The following PPP1R36 variants were observed in gnomAD, a reference collection of about 807,000 sequenced individuals.
PPP1R36 encodes protein phosphatase 1 regulatory subunit 36, also known as chromosome 14 open reading frame 50.
A neutral mutation model predicts 53.4 loss-of-function variants in PPP1R36; 47 were observed. The observed-to-expected ratio is 0.88, with a 90% CI of 0.70 to 1.12. PPP1R36 has a LOEUF of 1.12. PPP1R36 is among the 50% of genes most tolerant of loss of function. The probability of loss-of-function intolerance (pLI) is 0.00; values close to 1 mark genes in which losing one functional copy is unlikely to be tolerated. For synonymous variants in PPP1R36, 153 were observed against 170.5 expected (o/e 0.90, Z 0.80); for missense variants, 456 against 513.9 (o/e 0.89, Z 1.09).
At chr14:64,573,634 C>T (rs551989922) in intron 7 of PPP1R36, among the ~76,000 whole-genome samples, 333 of 151,950 alleles carry the variant, frequency 2.2e-3, no homozygotes, top group Non-Finnish European at 3.7e-3. Context: ...GAAAATAGGC[C>T]GGGTGTGGTG....
chr14:64,550,266 G>C, intron 1 of PPP1R36, 200 bp downstream of exon 1: 1 of 1,377,502 alleles, frequency 7.3e-7, no homozygotes, highest in Non-Finnish European at 9.4e-7. Context: ...GGTCAGAATT[G>C]AATTCTGGCT....
intron 7 of PPP1R36, among the ~76,000 whole-genome samples, chr14:64,570,940 T>C (rs1368125786): frequency 6.6e-6 from 1 of 152,212 alleles, no homozygotes; most frequent in Non-Finnish European, 1.5e-5. Flanking sequence ...GAGATGACAT[T>C]ACAGTTCCTA....
chr14:64,561,472 G>A (rs1237424315), intron 3 of PPP1R36, among the ~76,000 whole-genome samples: 1 of 152,200 alleles, frequency 6.6e-6, no homozygotes, highest in Non-Finnish European at 1.5e-5. Context: ...TTATTAATAG[G>A]TAGTTAAGGA....
At chr14:64,579,268 AAATT>A (rs1417187487) in intron 8 of PPP1R36, among the ~76,000 whole-genome samples, 2 of 151,946 alleles carry the variant, frequency 1.3e-5, no homozygotes, top group East Asian at 3.9e-4. Flanking sequence ...CCTAAAATAA[AAATT>A]AAAAGAAAAA....
At chr14:64,573,070 A>T (rs1342815010) in intron 7 of PPP1R36, among the ~76,000 whole-genome samples, 2 of 152,174 alleles carry the variant, frequency 1.3e-5, no homozygotes, top group Non-Finnish European at 2.9e-5. Flanking sequence ...AGGGGCAGTC[A>T]TTTGTCCCTG....
intron 8 of PPP1R36, among the ~76,000 whole-genome samples, chr14:64,584,675 G>A (rs896187047): frequency 2.6e-5 from 4 of 152,182 alleles, no homozygotes; most frequent in Middle Eastern, 3.2e-3. Context: ...TGACAGGCCC[G>A]AGTTTTAGTA....
intron 3 of PPP1R36, among the ~76,000 whole-genome samples, chr14:64,554,932 A>C (rs1037144834): frequency 3.9e-5 from 6 of 152,124 alleles, no homozygotes; most frequent in Non-Finnish European, 8.8e-5. Context: ...AGTAGGCAGG[A>C]GTTTGGCCCT....
rs748345880 is a variant in PPP1R36, at chr14:64,565,339, T to G, written c.270-18T>G. The stretch of plus-strand genomic sequence containing the variant: ...AATATATTAAAACACTACTAGAAAC[T>G]GTTATATTCCAAAACAGGTTGACAG... On this transcript the variant is annotated intron_variant, in intron 4 of 11. Coordinates refer to ENST00000298705, the MANE Select transcript of PPP1R36 (RefSeq NM_172365.3). 10 of 1,564,266 alleles carry G rather than the reference T, an allele frequency of 6.4e-6. No individual in the cohort carries two copies. The highest frequency in any genetic ancestry group is 8.8e-6 in the Non-Finnish European group (10 of 1,139,530).
At position 64,587,451 on chromosome 14, in the gene PPP1R36, T is replaced by C. The variant is rs75748451; in HGVS notation, c.890+79T>C. 440 of 122,602 alleles carry C rather than the reference T, an allele frequency of 3.6e-3. 5 individuals carry two copies. The highest frequency in any genetic ancestry group is 0.03 in the African/African-American group (408 of 13,556). 7.6% of individuals were successfully genotyped at this position (122,602 alleles called of 1,614,324 possible). A position where few individuals can be genotyped will look rare whatever the true frequency, so the allele number is the denominator to read the frequency against. On this transcript the variant is annotated intron_variant, in intron 10 of 11. Coordinates refer to ENST00000298705, the MANE Select transcript of PPP1R36 (RefSeq NM_172365.3). ...TTCTTTTCTTTTCTTTTTTCTCCTT[T>C]TTTTTTTTTTTTTTTTTTTTTTTTT...
intron 8 of PPP1R36, among the ~76,000 whole-genome samples, chr14:64,581,362 C>G (rs1430768391): frequency 2.0e-5 from 3 of 152,160 alleles, no homozygotes; most frequent in Non-Finnish European, 4.4e-5. Flanking sequence ...GAGTTCAGTC[C>G]TCAGTCTCCC....
intron 3 of PPP1R36, among the ~76,000 whole-genome samples, chr14:64,555,758 C>T (rs995455220): frequency 6.6e-6 from 1 of 152,038 alleles, no homozygotes; most frequent in Non-Finnish European, 1.5e-5. Context: ...TACTAATAAG[C>T]AAAAACAAAG....
intron 7 of PPP1R36, 87 bp from the exon 8 acceptor site, chr14:64,574,368 A>C: frequency 1.5e-6 from 2 of 1,356,732 alleles, no homozygotes; most frequent in Non-Finnish European, 1.0e-6. Context: ...GAAAAGAAGA[A>C]AAGTTTATAA....
chr14:64,587,996 G>A, intron 10 of PPP1R36, 108 bp from the exon 11 acceptor site: 1 of 1,050,904 alleles, frequency 9.5e-7, no homozygotes, highest in Non-Finnish European at 1.4e-6. Context: ...CTCCCGCCTT[G>A]ATCTCCCAAA....
intron 3 of PPP1R36, among the ~76,000 whole-genome samples, chr14:64,558,556 G>A (rs1361360761): frequency 6.6e-6 from 1 of 151,982 alleles, no homozygotes; most frequent in Non-Finnish European, 1.5e-5. Context: ...TCCAGTCTGG[G>A]CAACAGAGTG....
chr14:64,582,841 G>A (rs2080399552), intron 8 of PPP1R36, among the ~76,000 whole-genome samples: 1 of 151,588 alleles, frequency 6.6e-6, no homozygotes, highest in Non-Finnish European at 1.5e-5. Flanking sequence ...ACGATTCTGG[G>A]AGGCTTAAAT....
At chr14:64,571,567 G>C (rs1378691388) in intron 7 of PPP1R36, among the ~76,000 whole-genome samples, 1 of 152,188 alleles carries the variant, frequency 6.6e-6, no homozygotes, top group South Asian at 2.1e-4. Context: ...GTATATTATA[G>C]TGGTTAAGGG....
intron 10 of PPP1R36, 55 bp downstream of exon 10, chr14:64,587,427 TC>T: frequency 1.1e-6 from 1 of 934,828 alleles, no homozygotes; most frequent in Non-Finnish European, 1.5e-6. Context: ...TCCTTTCCTT[TC>T]TTTTCTTTTC....
chr14:64,550,797 T>C, intron 1 of PPP1R36, 124 bp from the exon 2 acceptor site: 1 of 685,080 alleles, frequency 1.5e-6, no homozygotes, highest in Middle Eastern at 3.0e-4. Flanking sequence ...CATTGTTTTT[T>C]GTTTCCTTCT....
At chr14:64,574,764 C>G (rs1350972002) in intron 8 of PPP1R36, among the ~76,000 whole-genome samples, 175 bp downstream of exon 8, 1 of 152,154 alleles carries the variant, frequency 6.6e-6, no homozygotes, top group South Asian at 2.1e-4. Context: ...TTTGAGAGAC[C>G]AAAGTGCATG....
Sources: allele counts gnomAD v4.1 joint callset (sites outside exome capture counted in the v4.1 genomes callset), GRCh38; gene constraint gnomAD v4.1.1; transcripts MANE v1.5; gene names NCBI Gene and HGNC (gene_info 2026-07-23, HGNC 2026-07-21).